The following ZNF470 variants were observed in gnomAD, a reference collection of about 807,000 sequenced individuals.
ZNF470 encodes the protein zinc finger protein 470, also known as chondrogenesis zinc finger protein 1.
Under a neutral mutation model 13.9 loss-of-function variants are expected in ZNF470, and 13 were observed. That is an observed-to-expected ratio of 0.94 (90% CI 0.61 to 1.49). The LOEUF is 1.49. Among genes scored for constraint, ZNF470 ranks in the 40% most tolerant of loss-of-function variants. ZNF470 has a pLI of 0.00. For missense variants in ZNF470, 929 were observed against 857.3 expected (o/e 1.08, Z -1.04); for synonymous variants, 293 against 282.9 (o/e 1.04, Z -0.36).
intron 5 of ZNF470, 91 bp downstream of exon 5, chr19:56,574,824 C>A: frequency 9.0e-7 from 1 of 1,114,170 alleles, no homozygotes. Context: ...AACTCCCTCC[C>A]AAACTGAAAC....
Position 56,581,557 on chromosome 19 carries a change from A to G in ZNF470, c.*2974A>G, listed in dbSNP as rs746550056. On this transcript the variant is annotated 3_prime_UTR_variant, in exon 6 of 6. Coordinates refer to ENST00000330619, the MANE Select transcript of ZNF470 (RefSeq NM_001001668.4). ...GGTATATATCCATTCAATAGGAATT[A>G]TGCAGCTGTTGAAAAAAAATCAATG... 6.5e-5 allele frequency: 50 copies of G among 766,980 alleles called. No homozygotes were observed. Among genetic ancestry groups the G allele is most frequent in the Non-Finnish European group, 7.3e-5 (46 of 631,108 alleles). The allele number at this position is 766,980 out of a possible 1,614,324, so 47.5% of individuals were successfully genotyped here.
chr19:56,574,694 T>A lies in ZNF470; in HGVS notation c.244T>A (p.Trp82Arg). 4 of 1,613,808 alleles carry A rather than the reference T, an allele frequency of 2.5e-6. No individual in the cohort carries two copies. Among genetic ancestry groups the A allele is most frequent in the Non-Finnish European group, 3.4e-6 (4 of 1,179,802 alleles). ...ISLLEQEKDP[W>R]VIKGGMNRGL... is the part of the protein sequence containing the mutation. Reference sequence around the variant, plus strand: ...CTTACTGGAGCAAGAGAAAGACCCTTGGGTGATAAAAGGAGGGATGAACAG... The same window carrying A: ...CTTACTGGAGCAAGAGAAAGACCCTAGGGTGATAAAAGGAGGGATGAACAG... Residue 82 changes from tryptophan (W) to arginine (R), a missense_variant, in exon 5 of 6, where the codon TGG becomes AGG. Physicochemically the swap from Trp to Arg is moderately radical, Grantham distance 101. Coordinates refer to ENST00000330619, the MANE Select transcript of ZNF470 (RefSeq NM_001001668.4).
In ZNF470 at chr19:56,581,536, T is replaced by C; in HGVS notation, c.*2953T>C. 1.3e-6 allele frequency: 1 copy of C among 787,176 alleles called. No individual in the cohort carries two copies. Among genetic ancestry groups the C allele is most frequent in the Non-Finnish European group, 1.5e-6 (1 of 649,546 alleles). The allele number at this position is 787,176 out of a possible 1,614,324, so 48.8% of individuals were successfully genotyped here. A position where few individuals can be genotyped will look rare whatever the true frequency, so the allele number is the denominator to read the frequency against. On this transcript the variant is annotated 3_prime_UTR_variant, in exon 6 of 6. Transcript: ENST00000330619. Reference sequence around the variant, plus strand: ...GGTAATAAATAAATTAATTATGGTATATATCCATTCAATAGGAATTATGCA... The same window carrying C: ...GGTAATAAATAAATTAATTATGGTACATATCCATTCAATAGGAATTATGCA...
Position 56,570,262 on chromosome 19 carries a change from A to T in ZNF470, c.-32-18A>T. On this transcript the variant is annotated intron_variant, in intron 2 of 5. Transcript: ENST00000330619. ...TATTAGTGCTACTTGGTTTCTCACT[A>T]CTTCTTTTTCTCCCCAGCTCTACAA... 1 of 1,574,756 alleles carries T rather than the reference A, an allele frequency of 6.4e-7. No homozygotes were observed. The highest frequency in any genetic ancestry group is 8.7e-7 in the Non-Finnish European group (1 of 1,145,408).
chr19:56,579,845 T>TGGAA lies in ZNF470; in HGVS notation c.*1262_*1263insGGAA. The TGGAA allele has an allele frequency of 1.3e-6, 1 of 755,694 alleles. No homozygotes were observed. The highest frequency in any genetic ancestry group is 1.9e-5 in the African/African-American group (1 of 52,714). The allele number at this position is 755,694 out of a possible 1,614,324, so 46.8% of individuals were successfully genotyped here. On this transcript the variant is annotated 3_prime_UTR_variant, in exon 6 of 6. Coordinates refer to ENST00000330619, the MANE Select transcript of ZNF470 (RefSeq NM_001001668.4). The stretch of plus-strand genomic sequence containing the variant: ...ATTGATATTCCAGTAAAAATTTCCA[T>TGGAA]ATTTTTTTAGTTGAGAAGCTGATTC...
chr19:56,579,468 C>T lies in ZNF470; in HGVS notation c.*885C>T, dbSNP rs2044519307. On this transcript the variant is annotated 3_prime_UTR_variant, in exon 6 of 6. Transcript: ENST00000330619. ...GCATTTGGTAGAATGTAGGACTAACCAGGGTAGGTAGTAGTAAACCAAAAG... is the reference window on the plus strand; with the variant it reads ...GCATTTGGTAGAATGTAGGACTAACTAGGGTAGGTAGTAGTAAACCAAAAG... 5 of 985,196 alleles carry T rather than the reference C, an allele frequency of 5.1e-6. No individual in the cohort carries two copies. The highest frequency in any genetic ancestry group is 6.0e-6 in the Non-Finnish European group (5 of 829,936). 61.0% of individuals were successfully genotyped at this position (985,196 alleles called of 1,614,324 possible).
At chr19:56,572,572 A>C (rs1035826730) in intron 3 of ZNF470, among the ~76,000 whole-genome samples, 1 of 147,820 alleles carries the variant, frequency 6.8e-6, no homozygotes. Flanking sequence ...TAGCAGTCAG[A>C]TTGGGGAAAA....
Position 56,578,838 on chromosome 19 carries a change from A to G in ZNF470, c.*255A>G. On this transcript the variant is annotated 3_prime_UTR_variant, in exon 6 of 6. Coordinates refer to ENST00000330619, the MANE Select transcript of ZNF470 (RefSeq NM_001001668.4). ...ATTAACTAATCCATTTCAAGGATTT[A>G]GCACACACTGGCATATAGTTATTGC... The G allele has an allele frequency of 8.5e-7, 1 of 1,176,564 alleles. No individual in the cohort carries two copies. 72.9% of individuals were successfully genotyped at this position (1,176,564 alleles called of 1,614,324 possible).
rs925496645 is a variant in ZNF470, at chr19:56,582,219, G to T, written c.*3636G>T. 1.0e-6 allele frequency: 1 copy of T among 985,352 alleles called. No individual in the cohort carries two copies. 61.0% of individuals were successfully genotyped at this position (985,352 alleles called of 1,614,324 possible). A position where few individuals can be genotyped will look rare whatever the true frequency, so the allele number is the denominator to read the frequency against. ...CACCTGGGATGAATAGAGGTCTAGG[G>T]TTCTGGATAATGATAATTTAAGGAG... On this transcript the variant is annotated 3_prime_UTR_variant, in exon 6 of 6. Coordinates refer to ENST00000330619, the MANE Select transcript of ZNF470 (RefSeq NM_001001668.4).
chr19:56,577,811 C>T lies in ZNF470; in HGVS notation c.1382C>T (p.Ala461Val). ...KPYECNICEKAFSHRGSLTLH... is the reference protein window; with the variant it reads ...KPYECNICEKVFSHRGSLTLH... ...TATGAATGCAATATCTGTGAGAAAGCCTTCAGCCATCGTGGGTCTCTTACT... is the reference window on the plus strand; with the variant it reads ...TATGAATGCAATATCTGTGAGAAAGTCTTCAGCCATCGTGGGTCTCTTACT... The change falls in exon 6 of 6, where the codon GCC (alanine) becomes GTC (valine). Residue 461 changes from alanine (A) to valine (V), a missense_variant. By Grantham distance (64) the Ala-to-Val change is moderately conservative. Transcript: ENST00000330619. 6.2e-7 allele frequency: 1 copy of T among 1,613,776 alleles called. No homozygotes were observed. The highest frequency in any genetic ancestry group is 8.5e-7 in the Non-Finnish European group (1 of 1,179,962).
Position 56,574,725 on chromosome 19 carries a change from T to C in ZNF470, c.275T>C (p.Leu92Pro). The change falls in exon 5 of 6, where the codon CTG becomes CCG. Residue 92 changes from leucine (L) to proline (P), a missense_variant. Physicochemically the swap from Leu to Pro is moderately conservative, Grantham distance 98. Coordinates refer to ENST00000330619, the MANE Select transcript of ZNF470 (RefSeq NM_001001668.4). The part of the protein sequence containing the change: ...WVIKGGMNRG[L>P]CPDLECVWVT... ...ATAAAAGGAGGGATGAACAGAGGCC[T>C]GTGCCCAGGTAAGTGGAGGATACCT... 6.2e-7 allele frequency: 1 copy of C among 1,613,288 alleles called. No individual in the cohort carries two copies. The highest frequency in any genetic ancestry group is 1.3e-5 in the African/African-American group (1 of 75,032).
chr19:56,570,936 A>G (rs767087602), intron 3 of ZNF470, among the ~76,000 whole-genome samples: 1 of 152,218 alleles, frequency 6.6e-6, no homozygotes, highest in Non-Finnish European at 1.5e-5. Context: ...GGCAAGAGGA[A>G]GTCTACCGTA....
chr19:56,572,371 A>AAAAAATAT (rs2044459428), intron 3 of ZNF470, among the ~76,000 whole-genome samples: 4 of 17,234 alleles, frequency 2.3e-4, no homozygotes, highest in Admixed American at 8.4e-4. Flanking sequence ...AAAAAAAAAA[A>AAAAAATAT]ATATATATAT....
At position 56,570,331 on chromosome 19, in the gene ZNF470, T is replaced by C; in HGVS notation, c.20T>C (p.Val7Ala). 1.2e-6 allele frequency: 2 copies of C among 1,614,096 alleles called. No homozygotes were observed. Among genetic ancestry groups the C allele is most frequent in the South Asian group, 2.2e-5 (2 of 91,072 alleles). The change falls in exon 3 of 6, where the codon GTA becomes GCA. Residue 7 changes from valine to alanine, a missense_variant. Val to Ala is a moderately conservative substitution (Grantham distance 64, BLOSUM62 0). Coordinates refer to ENST00000330619, the MANE Select transcript of ZNF470 (RefSeq NM_001001668.4). ...CTCCAAATGAAGAGCCAGGAAGAGG[T>C]AGAGGTGGCAGGAATTAAACTTTGT... Reference protein sequence around the residue: MKSQEEVEVAGIKLCKA... With the variant: MKSQEEAEVAGIKLCKA...
chr19:56,581,376 G>T lies in ZNF470; in HGVS notation c.*2793G>T, dbSNP rs2044534429. The T allele has an allele frequency of 2.1e-6, 2 of 956,674 alleles. No homozygotes were observed. Among genetic ancestry groups the T allele is most frequent in the African/African-American group, 3.5e-5 (2 of 56,752 alleles). The allele number at this position is 956,674 out of a possible 1,614,324, so 59.3% of individuals were successfully genotyped here. On this transcript the variant is annotated 3_prime_UTR_variant, in exon 6 of 6. Coordinates refer to ENST00000330619, the MANE Select transcript of ZNF470 (RefSeq NM_001001668.4). ...GTGGAAACAAGGGAATTCCATTGTT[G>T]ATTACATATCTATTGCTTTATGTAT...
intron 3 of ZNF470, 200 bp from the exon 4 acceptor site, chr19:56,574,194 T>A: frequency 1.1e-6 from 1 of 889,106 alleles, no homozygotes. Context: ...TCTCATTTTT[T>A]TCTTTTTCCT....
rs373099575 is a variant in ZNF470 at position 56,574,381 on chromosome 19, T to G, written c.61-13T>G. 2 of 1,613,558 alleles carry G rather than the reference T, an allele frequency of 1.2e-6. No individual in the cohort carries two copies. The highest frequency in any genetic ancestry group is 1.7e-6 in the Non-Finnish European group (2 of 1,179,570). On this transcript the variant is annotated splice_polypyrimidine_tract_variant and intron_variant, in intron 3 of 5. Transcript: ENST00000330619. ...AACACTGAGTGAGCAAGATCATATTTGTGTCATTTTAGGGTTCAGTGACTT... is the reference window on the plus strand; with the variant it reads ...AACACTGAGTGAGCAAGATCATATTGGTGTCATTTTAGGGTTCAGTGACTT...
chr19:56,570,176 G>A, intron 2 of ZNF470, 104 bp from the exon 3 acceptor site: 1 of 744,346 alleles, frequency 1.3e-6, no homozygotes, highest in Admixed American at 2.2e-5. Context: ...GGGAGTTGGA[G>A]TGAGGACTGT....
Position 56,581,829 on chromosome 19 carries a change from T to G in ZNF470, c.*3246T>G. The G allele has an allele frequency of 8.1e-6, 8 of 985,428 alleles. No individual in the cohort carries two copies. The highest frequency in any genetic ancestry group is 8.4e-6 in the Non-Finnish European group (7 of 829,934). The allele number at this position is 985,428 out of a possible 1,614,324, so 61.0% of individuals were successfully genotyped here. On this transcript the variant is annotated 3_prime_UTR_variant, in exon 6 of 6. Coordinates refer to ENST00000330619, the MANE Select transcript of ZNF470 (RefSeq NM_001001668.4). ...TGGACGTGGCCAATAAAATTGTCTC[T>G]GAATTTCAAAAGGCATTTGGATCTG...
Sources: gnomAD v4.1 joint callset for allele counts (sites outside exome capture counted in the v4.1 genomes callset) on GRCh38, gnomAD v4.1.1 for gene constraint, MANE v1.5 for transcripts, NCBI Gene and HGNC (gene_info 2026-07-23, HGNC 2026-07-21) for gene names.